GLP2R: variants seen among roughly 807,000 people sequenced by gnomAD.
GLP2R encodes the protein glucagon-like peptide 2 receptor.
GLP2R carries 59 observed loss-of-function variants against 68.2 expected under a neutral mutation model. That is an observed-to-expected ratio of 0.87 (90% CI 0.70 to 1.07). The LOEUF is 1.07. Ranked by LOEUF, GLP2R falls within the 50% of genes least tolerant of loss-of-function variation. The pLI, the probability that GLP2R is intolerant of heterozygous loss-of-function variation, is 0.00. For synonymous variants in GLP2R, 270 were observed against 265.4 expected, an observed-to-expected ratio of 1.02 and a Z score of -0.17; for missense variants, 548 against 677.4, an observed-to-expected ratio of 0.81 and a Z score of 2.12.
intron 1 of GLP2R, among the ~76,000 whole-genome samples, chr17:9,830,248 G>A (rs2066668507): frequency 6.6e-6 from 1 of 152,228 alleles, no homozygotes; most frequent in South Asian, 2.1e-4. Flanking sequence ...TTACTCCAGA[G>A]GCTGATTTTA....
In GLP2R at chr17:9,889,531, A is replaced by C; in HGVS notation, c.1488A>C (p.Ser496=). The stretch of plus-strand genomic sequence containing the variant: ...AGAAGCTTCGGAAGCTGCAGCCCTC[A>C]CTTAACAGTGGGCGGCTCCTACATC... The part of the protein sequence containing the change: ...GAEKLRKLQP[S]LNSGRLLHLA... The change falls in exon 13 of 13, where the codon TCA becomes TCC. Residue 496 remains serine (S), a synonymous_variant. Coordinates refer to ENST00000262441, the MANE Select transcript of GLP2R (RefSeq NM_004246.3). The C allele has an allele frequency of 6.2e-7, 1 of 1,614,198 alleles. No individual in the cohort carries two copies. The highest frequency in any genetic ancestry group is 8.5e-7 in the Non-Finnish European group (1 of 1,180,014).
intron 10 of GLP2R, among the ~76,000 whole-genome samples, chr17:9,878,850 C>T (rs1032743340): frequency 6.6e-6 from 1 of 152,168 alleles, no homozygotes; most frequent in African/African-American, 2.4e-5. Flanking sequence ...GCGAATGCCA[C>T]CCTGTTTTTC....
intron 1 of GLP2R, among the ~76,000 whole-genome samples, chr17:9,832,436 G>A (rs1412568908): frequency 3.3e-5 from 5 of 152,142 alleles, no homozygotes; most frequent in East Asian, 1.9e-4. Flanking sequence ...AGCCAGCCAC[G>A]CCTGTAATTT....
intron 5 of GLP2R, among the ~76,000 whole-genome samples, chr17:9,856,637 C>T (rs377488117): frequency 2.0e-5 from 3 of 152,186 alleles, no homozygotes; most frequent in African/African-American, 4.8e-5. Context: ...AATCATTCCA[C>T]AACCCCTGGA....
At chr17:9,861,266 A>T (rs2066985096) in intron 8 of GLP2R, 67 bp downstream of exon 8, 1 of 1,037,084 alleles carries the variant, frequency 9.6e-7, no homozygotes, top group African/African-American at 1.6e-5. Context: ...AAATACAAAG[A>T]ATGACATCAT....
At position 9,871,343 on chromosome 17, in the gene GLP2R, C is replaced by CA. The variant is rs34449375; in HGVS notation, c.1145+526dup. Among the ~76,000 whole-genome samples, 684 of 95,666 alleles carry CA rather than the reference C, an allele frequency of 7.1e-3. 5 individuals carry two copies. The highest frequency in any genetic ancestry group is 0.018 in the Admixed American group (155 of 8,522). The allele number at this position is 95,666 out of a possible 152,430, so 62.8% of individuals were successfully genotyped here. A position where few individuals can be genotyped will look rare whatever the true frequency, so the allele number is the denominator to read the frequency against. On this transcript the variant is annotated intron_variant, in intron 10 of 12. Coordinates refer to ENST00000262441, the MANE Select transcript of GLP2R (RefSeq NM_004246.3). ...CACTCCAGCCTGGGTGACCCTGTCT[C>CA]AAAAAAAAAAAAAAAAAAGTTTCTA... is the stretch of plus-strand genomic sequence containing the variant.
chr17:9,890,201 A>T lies in GLP2R; in HGVS notation c.*496A>T, dbSNP rs2067279681. 1 of 377,376 alleles carries T rather than the reference A, an allele frequency of 2.6e-6. No homozygotes were observed. Among genetic ancestry groups the T allele is most frequent in the Non-Finnish European group, 5.2e-6 (1 of 191,724 alleles). 23.4% of individuals were successfully genotyped at this position (377,376 alleles called of 1,614,324 possible). ...TGGCCAGGAATTGGAGCTGTTTAAT[A>T]AGCATCCCAGGTAATTCTGCTGCAA... On this transcript the variant is annotated 3_prime_UTR_variant, in exon 13 of 13. Coordinates refer to ENST00000262441, the MANE Select transcript of GLP2R (RefSeq NM_004246.3).
chr17:9,848,595 GA>G (rs894457458), intron 4 of GLP2R, among the ~76,000 whole-genome samples: 35 of 152,220 alleles, frequency 2.3e-4, no homozygotes, highest in African/African-American at 8.4e-4. Context: ...AGGAAGTAAA[GA>G]TTTCTCTCTT....
intron 9 of GLP2R, among the ~76,000 whole-genome samples, chr17:9,869,178 C>G (rs2067068508): frequency 1.3e-5 from 2 of 152,302 alleles, no homozygotes; most frequent in South Asian, 4.1e-4. Flanking sequence ...TCACCGTCCC[C>G]CAGGAACTCT....
chr17:9,865,462 A>T (rs992367008), intron 9 of GLP2R, among the ~76,000 whole-genome samples: 4 of 152,030 alleles, frequency 2.6e-5, no homozygotes, highest in Admixed American at 6.5e-5. Context: ...GTTCTACTTG[A>T]CTGTTTAATG....
chr17:9,830,879 G>A (rs977355985), intron 1 of GLP2R, among the ~76,000 whole-genome samples: 1 of 152,204 alleles, frequency 6.6e-6, no homozygotes, highest in Non-Finnish European at 1.5e-5. Flanking sequence ...GGTGGCATCC[G>A]ATCTGATCCT....
intron 4 of GLP2R, among the ~76,000 whole-genome samples, chr17:9,848,931 C>G (rs2066866209): frequency 6.7e-6 from 1 of 149,684 alleles, no homozygotes; most frequent in African/African-American, 2.5e-5. Context: ...GTTTAGATGA[C>G]TTAGTATGGA....
At chr17:9,852,852 TA>T in intron 4 of GLP2R, 2 of 382,452 alleles carry the variant, frequency 5.2e-6, no homozygotes, top group South Asian at 2.5e-5. Flanking sequence ...CAGGAAGTTT[TA>T]ATTTTTTCTG....
At chr17:9,831,221 C>G (rs549773762) in intron 1 of GLP2R, among the ~76,000 whole-genome samples, 1 of 152,262 alleles carries the variant, frequency 6.6e-6, no homozygotes, top group African/African-American at 2.4e-5. Flanking sequence ...AGAGAGAAAA[C>G]CTTAAAGCCA....
At chr17:9,827,930 C>A in intron 1 of GLP2R, among the ~76,000 whole-genome samples, 1 of 140,858 alleles carries the variant, frequency 7.1e-6, no homozygotes, top group African/African-American at 2.8e-5. Context: ...CATTGCACTC[C>A]AGTCTGGGCA....
intron 4 of GLP2R, among the ~76,000 whole-genome samples, chr17:9,849,138 TATG>T (rs1353320802): frequency 6.6e-6 from 1 of 151,774 alleles, no homozygotes; most frequent in Non-Finnish European, 1.5e-5. Flanking sequence ...ATTGATTATA[TATG>T]ATTTTTCCAA....
intron 1 of GLP2R, among the ~76,000 whole-genome samples, chr17:9,828,282 A>G (rs553237782): frequency 6.6e-6 from 1 of 152,326 alleles, no homozygotes; most frequent in Admixed American, 6.5e-5. Flanking sequence ...AGTGACCAGA[A>G]CATCCTTCAG....
chr17:9,860,066 G>A lies in GLP2R; in HGVS notation c.890G>A (p.Arg297Lys). ...TLLEPTVLPERRLWPRYLLLG... is the reference protein window; with the variant it reads ...TLLEPTVLPEKRLWPRYLLLG... The stretch of plus-strand genomic sequence containing the variant: ...CTGGAGCCCACAGTGCTTCCTGAGA[G>A]GCGGCTGTGGCCCAGATACCTGCTG... The change falls in exon 7 of 13, where the codon AGG becomes AAG. Residue 297 changes from arginine (R) to lysine (K), a missense_variant. Transcript: ENST00000262441. The A allele has an allele frequency of 6.2e-7, 1 of 1,611,570 alleles. No individual in the cohort carries two copies. Among genetic ancestry groups the A allele is most frequent in the South Asian group, 1.1e-5 (1 of 90,592 alleles).
intron 4 of GLP2R, among the ~76,000 whole-genome samples, chr17:9,843,020 C>T (rs77948965): frequency 0.013 from 2,023 of 150,452 alleles, 46 homozygotes; most frequent in African/African-American, 0.048. Context: ...TCCCCCCGAC[C>T]CACCACCCAC....
Sources: allele counts gnomAD v4.1 joint callset (sites outside exome capture counted in the v4.1 genomes callset), GRCh38; gene constraint gnomAD v4.1.1; transcripts MANE v1.5; gene names NCBI Gene and HGNC (gene_info 2026-07-23, HGNC 2026-07-21).